KIAA1217: variants seen among roughly 807,000 people sequenced by gnomAD.
KIAA1217 encodes sickle tail protein homolog.
KIAA1217 carries 88 observed loss-of-function variants against 163.9 expected under a neutral mutation model. The observed-to-expected ratio is 0.54, with a 90% CI of 0.45 to 0.64. The LOEUF is 0.64. Among genes scored for constraint, KIAA1217 ranks in the 30% least tolerant of loss-of-function variants. KIAA1217 has a pLI of 0.00. For synonymous variants in KIAA1217, 903 were observed against 923.1 expected (o/e 0.98, Z 0.39); for missense variants, 2,372 against 2,475.0 (o/e 0.96, Z 0.88).
chr10:24,084,752 T>C (rs75880955), intron 2 of KIAA1217, among the ~76,000 whole-genome samples: 3,610 of 151,992 alleles, frequency 0.024, 138 homozygotes, highest in African/African-American at 0.083. Context: ...GAGCAAAAAG[T>C]AATTGAGAGA....
chr10:24,011,848 TC>T, intron 2 of KIAA1217, among the ~76,000 whole-genome samples: 1 of 152,302 alleles, frequency 6.6e-6, no homozygotes, highest in South Asian at 2.1e-4. Context: ...GGTGGAACAA[TC>T]ATGGCAGTCT....
intron 6 of KIAA1217, among the ~76,000 whole-genome samples, chr10:24,494,111 G>C (rs2066476050): frequency 1.3e-5 from 2 of 152,228 alleles, no homozygotes; most frequent in Non-Finnish European, 1.5e-5. Context: ...GTACGGCATA[G>C]AAATGTGTGC....
intron 1 of KIAA1217, among the ~76,000 whole-genome samples, chr10:23,737,693 TTC>T (rs1312496279): frequency 6.6e-6 from 1 of 152,206 alleles, no homozygotes; most frequent in African/African-American, 2.4e-5. Context: ...CTGTTTTTCA[TTC>T]TGTTACTGTA....
intron 1 of KIAA1217, among the ~76,000 whole-genome samples, chr10:23,996,338 GA>G (rs1426738726): frequency 6.6e-6 from 1 of 152,198 alleles, no homozygotes; most frequent in Non-Finnish European, 1.5e-5. Context: ...TGCATTTGGG[GA>G]CCATAACCGC....
intron 2 of KIAA1217, among the ~76,000 whole-genome samples, chr10:24,192,846 T>G (rs2066789348): frequency 6.6e-6 from 1 of 152,262 alleles, no homozygotes; most frequent in African/African-American, 2.4e-5. Context: ...GGTAGTGCAA[T>G]CATAGCTCCC....
At chr10:24,130,359 A>G (rs977161933) in intron 2 of KIAA1217, among the ~76,000 whole-genome samples, 4 of 152,182 alleles carry the variant, frequency 2.6e-5, no homozygotes, top group African/African-American at 9.7e-5. Context: ...ATTGGCATGC[A>G]TTGGGCATGC....
At chr10:23,704,033 C>A (rs1002960743) in intron 1 of KIAA1217, among the ~76,000 whole-genome samples, 1 of 147,740 alleles carries the variant, frequency 6.8e-6, no homozygotes, top group African/African-American at 2.5e-5. Flanking sequence ...CTTTGGAAAC[C>A]GAGGACTGGT....
intron 2 of KIAA1217, among the ~76,000 whole-genome samples, chr10:24,270,700 C>A (rs1354158072): frequency 6.6e-6 from 1 of 152,060 alleles, no homozygotes; most frequent in Admixed American, 6.6e-5. Context: ...GCCTCCACAC[C>A]CAGCTAATTT....
chr10:24,170,957 T>C (rs752639377), intron 2 of KIAA1217, among the ~76,000 whole-genome samples: 13 of 152,206 alleles, frequency 8.5e-5, no homozygotes, highest in Non-Finnish European at 1.6e-4. Flanking sequence ...TGCTCAATAA[T>C]GCTGAGTAGA....
intron 1 of KIAA1217, among the ~76,000 whole-genome samples, chr10:23,752,713 G>T (rs1839803325): frequency 6.6e-6 from 1 of 152,144 alleles, no homozygotes; most frequent in Non-Finnish European, 1.5e-5. Context: ...GTTATGACAT[G>T]TTACTAATGA....
At chr10:24,109,625 AGT>A (rs1286437813) in intron 2 of KIAA1217, among the ~76,000 whole-genome samples, 1 of 152,170 alleles carries the variant, frequency 6.6e-6, no homozygotes, top group Non-Finnish European at 1.5e-5. Context: ...GAAATTGAAG[AGT>A]GTTAAAAAAG....
intron 2 of KIAA1217, among the ~76,000 whole-genome samples, chr10:24,345,752 T>C (rs574760724): frequency 3.9e-5 from 6 of 152,326 alleles, no homozygotes; most frequent in Non-Finnish European, 7.4e-5. Context: ...GGTCGCTTTT[T>C]TCCCCCTTTC....
chr10:23,967,775 T>C (rs1456773777), intron 1 of KIAA1217, among the ~76,000 whole-genome samples: 6 of 152,144 alleles, frequency 3.9e-5, no homozygotes. Context: ...TGCTTATTGA[T>C]ATTGTTTAGA....
chr10:23,911,158 T>C (rs1842412091), intron 1 of KIAA1217, among the ~76,000 whole-genome samples: 1 of 152,162 alleles, frequency 6.6e-6, no homozygotes, highest in African/African-American at 2.4e-5. Flanking sequence ...TTAGAAGAAG[T>C]AACTGGCCCC....
chr10:24,326,119 A>G (rs2044849097), intron 2 of KIAA1217, among the ~76,000 whole-genome samples: 1 of 152,164 alleles, frequency 6.6e-6, no homozygotes, highest in African/African-American at 2.4e-5. Context: ...TGGGAAAGTA[A>G]AAGAACTTTA....
chr10:23,744,516 C>A (rs1839291072), intron 1 of KIAA1217, among the ~76,000 whole-genome samples: 1 of 152,228 alleles, frequency 6.6e-6, no homozygotes, highest in East Asian at 1.9e-4. Context: ...GACAGGGTCG[C>A]ATCCCGAGTG....
chr10:24,475,698 T>C (rs1397373100), intron 6 of KIAA1217, among the ~76,000 whole-genome samples: 1 of 152,226 alleles, frequency 6.6e-6, no homozygotes, highest in African/African-American at 2.4e-5. Flanking sequence ...AAAGGGACTC[T>C]TCCCGTCACT....
At chr10:24,458,292 G>A (rs554878388) in intron 5 of KIAA1217, among the ~76,000 whole-genome samples, 31 of 152,298 alleles carry the variant, frequency 2.0e-4, no homozygotes, top group South Asian at 2.1e-4. Flanking sequence ...AAAACACGAA[G>A]GTATTCCTTT....
At chr10:24,302,689 A>G (rs566274959) in intron 2 of KIAA1217, among the ~76,000 whole-genome samples, 3 of 152,306 alleles carry the variant, frequency 2.0e-5, no homozygotes, top group African/African-American at 7.2e-5. Context: ...GCTATGAAAA[A>G]AAAATAAGAC....
Sources: gnomAD v4.1 joint callset for allele counts (sites outside exome capture counted in the v4.1 genomes callset) on GRCh38, gnomAD v4.1.1 for gene constraint, MANE v1.5 for transcripts, NCBI Gene and HGNC (gene_info 2026-07-23, HGNC 2026-07-21) for gene names.